Variants in CCDC171 observed in about 807,000 individuals in gnomAD.
The protein encoded by CCDC171 is coiled-coil domain containing 171, also known as coiled-coil domain-containing protein 171.
Under a neutral mutation model 168.2 loss-of-function variants are expected in CCDC171, and 177 were observed. The observed-to-expected ratio is 1.05, with a 90% CI of 0.93 to 1.19. The LOEUF (loss-of-function observed/expected upper bound fraction) is 1.19, where lower values mean the gene tolerates loss of function less well. Among genes scored for constraint, CCDC171 ranks in the 50% most tolerant of loss-of-function variants. CCDC171 has a pLI of 0.00. For missense variants in CCDC171, 1,991 were observed against 1,539.0 expected, an observed-to-expected ratio of 1.29 and a Z score of -4.91; for synonymous variants, 687 against 540.8, an observed-to-expected ratio of 1.27 and a Z score of -3.75.
intron 3 of CCDC171, among the ~76,000 whole-genome samples, chr9:15,996,308 G>A (rs1035927578): frequency 1.3e-5 from 2 of 152,000 alleles, no homozygotes; most frequent in African/African-American, 2.4e-5. Flanking sequence ...CTGTTGGTGC[G>A]CCTGGCCGGC....
chr9:15,651,531 A>G (rs2047523257), intron 7 of CCDC171, among the ~76,000 whole-genome samples: 1 of 152,114 alleles, frequency 6.6e-6, no homozygotes, highest in South Asian at 2.1e-4. Flanking sequence ...TGCTAGGATT[A>G]CAGGCATGAG....
intron 4 of CCDC171, among the ~76,000 whole-genome samples, chr9:15,590,798 T>C (rs1057353927): frequency 1.2e-4 from 18 of 148,886 alleles, no homozygotes; most frequent in African/African-American, 4.5e-4. Context: ...TCTTTCTTTC[T>C]TTCTTTCTTT....
In CCDC171 at chr9:15,635,399, T is replaced by C. The variant is rs148537244; in HGVS notation, c.822+11986T>C. On this transcript the variant is annotated intron_variant, in intron 7 of 25. Transcript: ENST00000380701. ...TACTGTATATATATATAAATCACAGTGTAAGTCCAAGAGTCTAAAAATTGA... is the reference window on the plus strand; with the variant it reads ...TACTGTATATATATATAAATCACAGCGTAAGTCCAAGAGTCTAAAAATTGA... 3.5e-3 allele frequency among the ~76,000 whole-genome samples: 532 copies of C among 152,278 alleles called. 2 individuals are homozygous for C. The highest frequency in any genetic ancestry group is 5.4e-3 in the Non-Finnish European group (367 of 68,016).
chr9:15,731,231 C>G (rs1273013165), intron 16 of CCDC171, among the ~76,000 whole-genome samples: 3 of 152,072 alleles, frequency 2.0e-5, no homozygotes, highest in Admixed American at 6.6e-5. Context: ...CCTCCCCCAA[C>G]ACACCCTTCC....
intron 7 of CCDC171, among the ~76,000 whole-genome samples, chr9:15,653,771 A>T (rs544659200): frequency 1.3e-5 from 2 of 152,036 alleles, no homozygotes; most frequent in East Asian, 1.9e-4. Flanking sequence ...TTTATTAATT[A>T]AAAAAATTTA....
chr9:15,563,055 G>T (rs564800581), intron 1 of CCDC171, among the ~76,000 whole-genome samples: 2 of 151,306 alleles, frequency 1.3e-5, no homozygotes, highest in Admixed American at 1.3e-4. Flanking sequence ...TCAGTGGCCT[G>T]TTAGAAAGAA....
intron 24 of CCDC171, among the ~76,000 whole-genome samples, chr9:15,910,853 A>G (rs889504722): frequency 2.0e-5 from 3 of 152,140 alleles, no homozygotes; most frequent in Non-Finnish European, 4.4e-5. Flanking sequence ...AGCTTCATCC[A>G]TGTCCCTGCA....
intron 3 of CCDC171, among the ~76,000 whole-genome samples, chr9:15,993,760 C>G (rs551613705): frequency 1.3e-5 from 2 of 152,156 alleles, no homozygotes; most frequent in South Asian, 4.2e-4. Flanking sequence ...AAAAAACAAC[C>G]CCATCAAAAA....
intron 7 of CCDC171, among the ~76,000 whole-genome samples, chr9:15,635,993 A>G (rs2046172885): frequency 6.6e-6 from 1 of 152,186 alleles, no homozygotes; most frequent in Non-Finnish European, 1.5e-5. Context: ...AGTAGGTGTG[A>G]AATGGTACCT....
chr9:15,987,866 C>T (rs561128163), intron 3 of CCDC171, among the ~76,000 whole-genome samples: 53 of 149,352 alleles, frequency 3.5e-4, no homozygotes, highest in Middle Eastern at 3.4e-3. Flanking sequence ...CTTATACACA[C>T]GGCCTGAAAG....
At chr9:15,581,227 T>C (rs2041089093) in intron 4 of CCDC171, among the ~76,000 whole-genome samples, 1 of 152,108 alleles carries the variant, frequency 6.6e-6, no homozygotes. Context: ...TTACAAGGGA[T>C]GTGAAGGACC....
At chr9:15,782,441 C>T (rs577643769) in intron 20 of CCDC171, among the ~76,000 whole-genome samples, 119 of 152,066 alleles carry the variant, frequency 7.8e-4, no homozygotes, top group African/African-American at 2.5e-3. Context: ...GTCTCTGGGA[C>T]GGATGGATGG....
chr9:15,602,647 C>CTTTTT (rs1161286304), intron 6 of CCDC171, among the ~76,000 whole-genome samples: 7 of 30,466 alleles, frequency 2.3e-4, no homozygotes, highest in African/African-American at 3.7e-4. Flanking sequence ...TTTTTTTTTT[C>CTTTTT]TTTTTTTTTT....
intron 16 of CCDC171, among the ~76,000 whole-genome samples, chr9:15,737,979 G>T (rs958184531): frequency 2.1e-4 from 32 of 152,262 alleles, no homozygotes; most frequent in African/African-American, 7.2e-4. Context: ...ACATAATAGA[G>T]AAAGCAGGTG....
intron 23 of CCDC171, among the ~76,000 whole-genome samples, chr9:15,867,017 C>T (rs150788954): frequency 3.7e-4 from 56 of 152,128 alleles, no homozygotes; most frequent in African/African-American, 1.3e-3. Flanking sequence ...CTAAAAATAG[C>T]ATCTGTATTT....
intron 25 of CCDC171, among the ~76,000 whole-genome samples, chr9:15,943,797 A>G (rs1827984642): frequency 6.6e-6 from 1 of 152,058 alleles, no homozygotes; most frequent in African/African-American, 2.4e-5. Context: ...GATGGAACTT[A>G]TAATCAGTTG....
intron 25 of CCDC171, among the ~76,000 whole-genome samples, chr9:15,962,213 T>C (rs908850415): frequency 6.6e-6 from 1 of 152,218 alleles, no homozygotes. Context: ...GAAATACTTA[T>C]CTAGCTCTTT....
At chr9:15,706,746 A>C (rs1440059100) in intron 11 of CCDC171, among the ~76,000 whole-genome samples, 1 of 152,136 alleles carries the variant, frequency 6.6e-6, no homozygotes, top group South Asian at 2.1e-4. Context: ...GTTGACTTTC[A>C]TGTTCACTGA....
intron 9 of CCDC171, among the ~76,000 whole-genome samples, chr9:15,675,299 A>G (rs1367255855): frequency 6.8e-6 from 1 of 147,274 alleles, no homozygotes; most frequent in Non-Finnish European, 1.5e-5. Flanking sequence ...TGTATACAGC[A>G]CACTGATGGG....
Sources: allele counts gnomAD v4.1 joint callset (sites outside exome capture counted in the v4.1 genomes callset), GRCh38; gene constraint gnomAD v4.1.1; transcripts MANE v1.5; gene names NCBI Gene and HGNC (gene_info 2026-07-23, HGNC 2026-07-21).